LEPR: variants seen among roughly 807,000 people sequenced by gnomAD.
LEPR encodes leptin receptor.
LEPR carries 56 observed loss-of-function variants against 114.7 expected under a neutral mutation model. That is an observed-to-expected ratio of 0.49 (90% CI 0.39 to 0.61). The LOEUF (loss-of-function observed/expected upper bound fraction) is 0.61, where lower values mean the gene tolerates loss of function less well. Ranked by LOEUF, LEPR falls within the 20% of genes least tolerant of loss-of-function variation. The pLI, the probability that LEPR is intolerant of heterozygous loss-of-function variation, is 0.00. For missense variants in LEPR, 1,202 were observed against 1,352.9 expected (o/e 0.89, Z 1.75); for synonymous variants, 443 against 461.4 (o/e 0.96, Z 0.51).
rs909593874 is a variant in LEPR, at chr1:65,601,781, T to C, written c.1286-62T>C. ...TCCTGTTAAAGATGTAAGAAAAAAT[T>C]TTTTTCATTGAATTTTTTGGAGTTT... On this transcript the variant is annotated intron_variant, in intron 9 of 19. Coordinates refer to ENST00000349533, the MANE Select transcript of LEPR (RefSeq NM_002303.6). 14 of 1,583,414 alleles carry C rather than the reference T, an allele frequency of 8.8e-6. No homozygotes were observed. The African/African-American group carries it at 1.9e-4, about 22-fold the overall frequency.
At chr1:65,431,979 T>G in intron 2 of LEPR, 1 of 1,528,728 alleles carries the variant, frequency 6.5e-7, no homozygotes, top group East Asian at 2.3e-5. Context: ...TGTATACATG[T>G]GCACATGCGG....
At chr1:65,597,047 T>C (rs1656112392) in intron 7 of LEPR, among the ~76,000 whole-genome samples, 1 of 152,070 alleles carries the variant, frequency 6.6e-6, no homozygotes, top group South Asian at 2.1e-4. Context: ...ATCTGATGAA[T>C]ATTTGATCAG....
intron 10 of LEPR, among the ~76,000 whole-genome samples, chr1:65,603,145 G>A (rs1051431933): frequency 1.3e-5 from 2 of 152,124 alleles, no homozygotes; most frequent in Non-Finnish European, 2.9e-5. Flanking sequence ...TTCTGCGAGA[G>A]TTAATGACAT....
Position 65,608,801 on chromosome 1 carries a change from T to A in LEPR, c.1652T>A (p.Ile551Asn), listed in dbSNP as rs755235061. The change falls in exon 12 of 20, where the codon ATT (isoleucine) becomes AAT (asparagine). Residue 551 changes from isoleucine (I) to asparagine (N), a missense_variant. Coordinates refer to ENST00000349533, the MANE Select transcript of LEPR (RefSeq NM_002303.6). Reference sequence around the variant, plus strand: ...GTGAAAGCAGAAATTACTATAAACATTGGATTATTGAAAATATCTTGGGAA... The same window carrying A: ...GTGAAAGCAGAAATTACTATAAACAATGGATTATTGAAAATATCTTGGGAA... ...SSVKAEITINIGLLKISWEKP... is the reference protein window; with the variant it reads ...SSVKAEITINNGLLKISWEKP... The A allele has an allele frequency of 6.2e-6, 10 of 1,613,664 alleles. No individual in the cohort carries two copies. Among genetic ancestry groups the A allele is most frequent in the Middle Eastern group, 1.6e-4 (1 of 6,074 alleles).
intron 5 of LEPR, among the ~76,000 whole-genome samples, chr1:65,592,248 ATTTTTTT>A (rs58700529): frequency 1.7e-5 from 2 of 117,774 alleles, no homozygotes; most frequent in South Asian, 2.6e-4. Flanking sequence ...ATCTGCTGTC[ATTTTTTT>A]TTTTTTTTTT....
At chr1:65,488,214 C>CTTTCTTTTTCTTTCTTTCTTTCTTTCTT (rs774153035) in intron 2 of LEPR, among the ~76,000 whole-genome samples, 1 of 46,768 alleles carries the variant, frequency 2.1e-5, no homozygotes, top group African/African-American at 1.3e-4. Flanking sequence ...CTTTCTTTCT[C>CTTTCTTTTTCTTTCTTTCTTTCTTTCTT]TCTCTCTCTC....
intron 3 of LEPR, among the ~76,000 whole-genome samples, chr1:65,567,339 G>T (rs1653838824): frequency 1.3e-5 from 2 of 152,174 alleles, no homozygotes; most frequent in South Asian, 4.1e-4. Context: ...TGTAGACCTA[G>T]AATATATAAT....
intron 19 of LEPR, among the ~76,000 whole-genome samples, chr1:65,631,653 C>T (rs1360976948): frequency 6.6e-6 from 1 of 152,098 alleles, no homozygotes; most frequent in East Asian, 1.9e-4. Flanking sequence ...AATCAGAATA[C>T]CATTTCTGTT....
In LEPR at chr1:65,605,250, G is replaced by A; in HGVS notation, c.1603+13G>A. On this transcript the variant is annotated intron_variant, in intron 11 of 19. Coordinates refer to ENST00000349533, the MANE Select transcript of LEPR (RefSeq NM_002303.6). ...CCTGATTCTGTGGGTATGTCAAGCT[G>A]CGTTGTGTCTTCATTTGTGTTAGCA... The A allele has an allele frequency of 6.2e-7, 1 of 1,613,748 alleles. No homozygotes were observed. Among genetic ancestry groups the A allele is most frequent in the Non-Finnish European group, 8.5e-7 (1 of 1,179,834 alleles).
chr1:65,541,280 T>C (rs549974212), intron 2 of LEPR, among the ~76,000 whole-genome samples: 19 of 152,374 alleles, frequency 1.2e-4, no homozygotes, highest in African/African-American at 3.6e-4. Flanking sequence ...GAATATCTGG[T>C]TAATATTTAA....
At position 65,636,884 on chromosome 1, in the gene LEPR, T is replaced by G. The variant is rs1303105004; in HGVS notation, c.3367T>G (p.Phe1123Val). 1 of 1,606,594 alleles carries G rather than the reference T, an allele frequency of 6.2e-7. No homozygotes were observed. Among genetic ancestry groups the G allele is most frequent in the Non-Finnish European group, 8.5e-7 (1 of 1,176,910 alleles). The change falls in exon 20 of 20, where the codon TTT (phenylalanine) becomes GTT (valine). Residue 1123 changes from phenylalanine (F) to valine (V), a missense_variant. Coordinates refer to ENST00000349533, the MANE Select transcript of LEPR (RefSeq NM_002303.6). ...AGTTCTCCAGGACAGTTGCTCACAC[T>G]TTGTAGAAAATAATATCAACTTAGG... ...IRVLQDSCSHFVENNINLGTS... is the reference protein window; with the variant it reads ...IRVLQDSCSHVVENNINLGTS...
intron 1 of LEPR, among the ~76,000 whole-genome samples, chr1:65,423,976 T>A (rs904911569): frequency 6.6e-6 from 1 of 152,200 alleles, no homozygotes; most frequent in Non-Finnish European, 1.5e-5. Flanking sequence ...TTAATTCCCA[T>A]AAGCTCAATA....
At chr1:65,499,241 G>T (rs1241521205) in intron 2 of LEPR, among the ~76,000 whole-genome samples, 1 of 152,112 alleles carries the variant, frequency 6.6e-6, no homozygotes, top group Non-Finnish European at 1.5e-5. Flanking sequence ...GGGGGAAATA[G>T]ATGGCAAACT....
At chr1:65,474,814 T>A (rs1352117407) in intron 2 of LEPR, among the ~76,000 whole-genome samples, 2 of 151,898 alleles carry the variant, frequency 1.3e-5, no homozygotes, top group East Asian at 3.9e-4. Flanking sequence ...GAGACCAGCC[T>A]GACCAACATA....
intron 11 of LEPR, 117 bp from the exon 12 acceptor site, chr1:65,608,636 A>G: frequency 8.7e-7 from 1 of 1,155,424 alleles, no homozygotes; most frequent in Non-Finnish European, 1.2e-6. Context: ...ATGAGTGAGA[A>G]AGTTATGAAG....
chr1:65,636,848 A>G lies in LEPR; in HGVS notation c.3331A>G (p.Thr1111Ala). 6.2e-7 allele frequency: 1 copy of G among 1,612,470 alleles called. No individual in the cohort carries two copies. The highest frequency in any genetic ancestry group is 1.1e-5 in the South Asian group (1 of 90,744). ...SCPFPAPCLF[T>A]DIRVLQDSCS... The stretch of plus-strand genomic sequence containing the variant: ...CCCATTCCCAGCCCCCTGTTTATTC[A>G]CGGACATCAGAGTTCTCCAGGACAG... Residue 1111 changes from threonine to alanine, a missense_variant, in exon 20 of 20, where the codon ACG (threonine) becomes GCG (alanine). By Grantham distance (58) the Thr-to-Ala change is moderately conservative. Coordinates refer to ENST00000349533, the MANE Select transcript of LEPR (RefSeq NM_002303.6).
chr1:65,503,782 A>T (rs1648582098), intron 2 of LEPR, among the ~76,000 whole-genome samples: 2 of 141,948 alleles, frequency 1.4e-5, no homozygotes, highest in Middle Eastern at 3.5e-3. Context: ...ATACGTATAT[A>T]TACTGAAGTT....
intron 2 of LEPR, among the ~76,000 whole-genome samples, chr1:65,439,708 C>G (rs1479057807): frequency 6.6e-6 from 1 of 151,902 alleles, no homozygotes; most frequent in Non-Finnish European, 1.5e-5. Flanking sequence ...ATCCCAGCTA[C>G]TCAGGAGGCT....
At chr1:65,495,543 A>G (rs529091374) in intron 2 of LEPR, among the ~76,000 whole-genome samples, 1 of 152,272 alleles carries the variant, frequency 6.6e-6, no homozygotes, top group East Asian at 1.9e-4. Flanking sequence ...CAATCTCACT[A>G]CTGGATATTT....
Sources: allele counts gnomAD v4.1 joint callset (sites outside exome capture counted in the v4.1 genomes callset), GRCh38; gene constraint gnomAD v4.1.1; transcripts MANE v1.5; gene names NCBI Gene and HGNC (gene_info 2026-07-23, HGNC 2026-07-21).